TACC2: variants seen among roughly 807,000 people sequenced by gnomAD.
The protein encoded by TACC2 is transforming acidic coiled-coil-containing protein 2.
In TACC2, 137 loss-of-function variants were observed where a neutral mutation model predicts 227.3. The ratio of observed to expected loss-of-function variants is 0.60; its 90% CI spans 0.52 to 0.69. The LOEUF (loss-of-function observed/expected upper bound fraction) is 0.69. Among genes scored for constraint, TACC2 ranks in the 30% least tolerant of loss-of-function variants. The pLI is 0.00. For missense variants in TACC2, 3,470 were observed against 3,694.4 expected (o/e 0.94, Z 1.57); for synonymous variants, 1,523 against 1,487.5 (o/e 1.02, Z -0.55).
intron 5 of TACC2, among the ~76,000 whole-genome samples, chr10:122,111,747 G>T (rs1208160768): frequency 6.6e-6 from 1 of 151,866 alleles, no homozygotes; most frequent in Non-Finnish European, 1.5e-5. Flanking sequence ...GTCCACCTCG[G>T]CCTCCCAAAG....
chr10:122,230,319 C>G, intron 15 of TACC2, 32 bp from the exon 16 acceptor site: 2 of 1,572,494 alleles, frequency 1.3e-6, no homozygotes, highest in Non-Finnish European at 8.8e-7. Context: ...TGATGCATTT[C>G]CCTGCGGTTT....
At chr10:122,028,880 T>C (rs1347817888) in intron 2 of TACC2, among the ~76,000 whole-genome samples, 1 of 19,652 alleles carries the variant, frequency 5.1e-5, no homozygotes, top group Non-Finnish European at 9.7e-5. Context: ...TCCCTTCCCT[T>C]CCCTCCGCTC....
intron 6 of TACC2, among the ~76,000 whole-genome samples, chr10:122,133,532 T>G (rs1469997371): frequency 1.3e-5 from 2 of 152,154 alleles, no homozygotes; most frequent in African/African-American, 4.8e-5. Context: ...CATGTCTGTG[T>G]GTGTGTCTAT....
At chr10:122,061,308 G>A (rs1234644246) in intron 3 of TACC2, among the ~76,000 whole-genome samples, 2 of 119,506 alleles carry the variant, frequency 1.7e-5, no homozygotes. Context: ...AAAAAAAAAG[G>A]AGGGAGAAAA....
intron 7 of TACC2, among the ~76,000 whole-genome samples, chr10:122,186,278 A>C (rs1466438263): frequency 2.0e-5 from 3 of 152,136 alleles, no homozygotes; most frequent in African/African-American, 7.2e-5. Context: ...TTTAGTGGTC[A>C]GGCCCAGTAG....
At chr10:122,021,544 T>C (rs1360034674) in intron 1 of TACC2, among the ~76,000 whole-genome samples, 1 of 152,212 alleles carries the variant, frequency 6.6e-6, no homozygotes, top group Non-Finnish European at 1.5e-5. Flanking sequence ...AGCCACACTC[T>C]GAATTTCCAA....
At chr10:122,211,788 A>G in intron 9 of TACC2, 80 bp downstream of exon 9, 1 of 1,287,564 alleles carries the variant, frequency 7.8e-7, no homozygotes. Context: ...TGCCTGGATA[A>G]CCTTCGACTG....
At position 122,150,365 on chromosome 10, in the gene TACC2, C is replaced by T. The variant is rs1055647150; in HGVS notation, c.5834+6659C>T. 3.3e-5 allele frequency among the ~76,000 whole-genome samples: 5 copies of T among 152,302 alleles called. No homozygotes were observed. Among genetic ancestry groups the T allele is most frequent in the Admixed American group, 6.5e-5 (1 of 15,300 alleles). On this transcript the variant is annotated intron_variant, in intron 7 of 22. Transcript: ENST00000369005. This position sits in a 1 kb window ranked among gnomAD's most constrained non-coding sequence, Gnocchi z 4.0. ...CACTGGTGGGTGGAAGGTTCCAGGG[C>T]AGTGTGGGGGCCCTTCTTGCCCTGA...
intron 7 of TACC2, among the ~76,000 whole-genome samples, chr10:122,172,903 C>T (rs1006233928): frequency 5.9e-5 from 9 of 152,034 alleles, no homozygotes; most frequent in African/African-American, 2.2e-4. Flanking sequence ...GAGTTTGGAC[C>T]CCCAAACCTG....
chr10:122,228,519 C>T (rs905046462), intron 14 of TACC2, among the ~76,000 whole-genome samples: 21 of 152,200 alleles, frequency 1.4e-4, no homozygotes, highest in African/African-American at 3.9e-4. Flanking sequence ...GCACACGTGT[C>T]ACATGGCCTT....
intron 19 of TACC2, among the ~76,000 whole-genome samples, chr10:122,243,806 A>G (rs1459059210): frequency 6.6e-6 from 1 of 152,156 alleles, no homozygotes; most frequent in Non-Finnish European, 1.5e-5. Flanking sequence ...AGAGCCATAC[A>G]CTTTCATTTT....
chr10:122,073,154 C>T (rs10887062), intron 3 of TACC2, among the ~76,000 whole-genome samples: 4,502 of 89,678 alleles, frequency 0.05, 104 homozygotes, highest in South Asian at 0.085. Context: ...TATATATATA[C>T]ACACACACAC....
chr10:122,159,053 G>C (rs2092664955), intron 7 of TACC2, among the ~76,000 whole-genome samples: 1 of 152,192 alleles, frequency 6.6e-6, no homozygotes, highest in African/African-American at 2.4e-5. Flanking sequence ...CGAGGGGATG[G>C]GAAGAAAGAA....
rs2139473385 is a variant in TACC2, at chr10:122,150,821, C to T, written c.5834+7115C>T. Reference sequence around the variant, plus strand: ...CAGCGTTCCTGGGTCCTTTCTTCTGCTTTGTTTGCATTTTTTGATCCTGCC... The same window carrying T: ...CAGCGTTCCTGGGTCCTTTCTTCTGTTTTGTTTGCATTTTTTGATCCTGCC... On this transcript the variant is annotated intron_variant, in intron 7 of 22. Coordinates refer to ENST00000369005, the MANE Select transcript of TACC2 (RefSeq NM_206862.4). The surrounding 1 kb of genome is among the most constrained non-coding windows in gnomAD (Gnocchi z 4.0). 6.6e-6 allele frequency among the ~76,000 whole-genome samples: 1 copy of T among 152,344 alleles called. No homozygotes were observed. Among genetic ancestry groups the T allele is most frequent in the South Asian group, 2.1e-4 (1 of 4,826 alleles).
intron 1 of TACC2, among the ~76,000 whole-genome samples, chr10:122,009,777 T>C (rs1955693411): frequency 6.6e-6 from 1 of 151,706 alleles, no homozygotes. Flanking sequence ...AATACAAAAA[T>C]TAGCTGGGCA....
intron 16 of TACC2, among the ~76,000 whole-genome samples, chr10:122,233,789 T>C (rs1373146126): frequency 6.6e-6 from 1 of 152,030 alleles, no homozygotes; most frequent in Admixed American, 6.6e-5. Flanking sequence ...GTGTCTTGAC[T>C]CGGTGGGCAG....
chr10:122,006,451 A>AAAATAAAT lies in TACC2; in HGVS notation c.-45-15462_-45-15455dup, dbSNP rs147969943. Among the ~76,000 whole-genome samples the AAAATAAAT allele has an allele frequency of 5.2e-3, 784 of 149,344 alleles. 3 individuals carry two copies. Among genetic ancestry groups the AAAATAAAT allele is most frequent in the Non-Finnish European group, 8.0e-3 (536 of 67,266 alleles). Reference sequence around the variant, plus strand: ...GCTACAGAGTGAGACTCAGTCTCAAAAAATAAATAAATAAATAAATAAATA... The same window carrying AAAATAAAT: ...GCTACAGAGTGAGACTCAGTCTCAAAAAATAAATAAATAAATAAATAAATAAATAAATA... On this transcript the variant is annotated intron_variant, in intron 1 of 22. Coordinates refer to ENST00000369005, the MANE Select transcript of TACC2 (RefSeq NM_206862.4).
intron 3 of TACC2, among the ~76,000 whole-genome samples, chr10:122,059,291 A>C (rs574606136): frequency 1.3e-5 from 2 of 152,114 alleles, no homozygotes; most frequent in East Asian, 3.9e-4. Context: ...AGCTATTGCC[A>C]GGACCAGTTT....
rs2095257975 is a variant in TACC2, at chr10:122,210,270, T to C, written c.5972-127T>C. On this transcript the variant is annotated intron_variant, in intron 8 of 22. Coordinates refer to ENST00000369005, the MANE Select transcript of TACC2 (RefSeq NM_206862.4). The surrounding 1 kb of genome is among the most constrained non-coding windows in gnomAD (Gnocchi z 4.6). ...TGTACCCAAGTAGTACACACAGTGATGGGCGGGGTGGCCTGGGGCCGTGGT... is the reference window on the plus strand; with the variant it reads ...TGTACCCAAGTAGTACACACAGTGACGGGCGGGGTGGCCTGGGGCCGTGGT... The C allele has an allele frequency of 1.4e-6, 1 of 735,212 alleles. No homozygotes were observed. The highest frequency in any genetic ancestry group is 2.4e-6 in the Non-Finnish European group (1 of 419,028). The allele number at this position is 735,212 out of a possible 1,614,324, so 45.5% of individuals were successfully genotyped here.
Sources: allele counts gnomAD v4.1 joint callset (sites outside exome capture counted in the v4.1 genomes callset), GRCh38; gene constraint gnomAD v4.1.1; non-coding constraint Gnocchi (gnomAD v3.1); transcripts MANE v1.5; gene names NCBI Gene and HGNC (gene_info 2026-07-23, HGNC 2026-07-21).